COA1: variants seen among roughly 807,000 people sequenced by gnomAD.
The protein encoded by COA1 is cytochrome c oxidase assembly factor 1 homolog.
COA1 carries 13 observed loss-of-function variants against 16.0 expected under a neutral mutation model. That is an observed-to-expected ratio of 0.81 (90% CI 0.53 to 1.29). The LOEUF is 1.29. Among genes scored for constraint, COA1 ranks in the 50% most tolerant of loss-of-function variants. The pLI, the probability that COA1 is intolerant of heterozygous loss-of-function variation, is 0.00. For missense variants in COA1, 179 were observed against 177.0 expected (o/e 1.01, Z -0.06); for synonymous variants, 65 against 65.7 (o/e 0.99, Z 0.05).
intron 6 of COA1, chr7:43,619,556 C>A: frequency 6.3e-7 from 1 of 1,599,102 alleles, no homozygotes; most frequent in Non-Finnish European, 8.5e-7. Flanking sequence ...TGTACTTAAT[C>A]ATAGTTATAT....
At chr7:43,625,925 A>G (rs894229682) in intron 6 of COA1, 1 of 152,214 alleles carries the variant, frequency 6.6e-6, no homozygotes, top group Non-Finnish European at 1.5e-5. Context: ...AGTAGGAGGT[A>G]CTTTGTCCCA....
chr7:43,611,470 G>A (rs1178313476), intron 6 of COA1, among the ~76,000 whole-genome samples: 1 of 152,100 alleles, frequency 6.6e-6, no homozygotes, highest in African/African-American at 2.4e-5. Flanking sequence ...ACACCCACAC[G>A]CTGAGGTGGC....
chr7:43,684,251 G>T (rs967532211), intron 1 of COA1, among the ~76,000 whole-genome samples: 1 of 152,094 alleles, frequency 6.6e-6, no homozygotes, highest in Non-Finnish European at 1.5e-5. Context: ...TCACAACAGG[G>T]TTCGCACTCC....
intron 1 of COA1, among the ~76,000 whole-genome samples, chr7:43,719,157 G>A (rs2690390): frequency 1.2e-3 from 177 of 152,032 alleles, no homozygotes; most frequent in Non-Finnish European, 1.7e-3. Flanking sequence ...TAGTAGAGAC[G>A]AGGTTTCACC....
chr7:43,710,394 A>ATATATTTTTT (rs1417053077), intron 1 of COA1, among the ~76,000 whole-genome samples: 1 of 135,388 alleles, frequency 7.4e-6, no homozygotes, highest in African/African-American at 2.7e-5. Context: ...ATATATATAT[A>ATATATTTTTT]TTTTTAAGAT....
At chr7:43,711,916 A>G (rs372069653) in intron 1 of COA1, among the ~76,000 whole-genome samples, 67 of 152,328 alleles carry the variant, frequency 4.4e-4, no homozygotes, top group African/African-American at 1.5e-3. Context: ...TATAAAATAT[A>G]TGTGTGAATA....
chr7:43,625,753 C>CAGAGAGAGAGAGAGAGAGAG (rs3832501), intron 6 of COA1: 183 of 149,690 alleles, frequency 1.2e-3, no homozygotes, highest in Middle Eastern at 3.5e-3. Context: ...TCCCCTAGAG[C>CAGAGAGAGAGAGAGAGAGAG]AGAGAGAGAG....
intron 1 of COA1, among the ~76,000 whole-genome samples, chr7:43,705,151 C>T (rs2094921889): frequency 6.6e-6 from 1 of 152,122 alleles, no homozygotes; most frequent in Non-Finnish European, 1.5e-5. Flanking sequence ...TTTTCTGGCT[C>T]CTTGAGGTTA....
chr7:43,636,670 C>CAAAACTCAG (rs1309507264), downstream of COA1, among the ~76,000 whole-genome samples: 1 of 151,994 alleles, frequency 6.6e-6, no homozygotes, highest in East Asian at 1.9e-4. Flanking sequence ...CAAATTTTAC[C>CAAAACTCAG]AAAACTCAGC....
At chr7:43,686,345 C>T (rs1477187794) in intron 1 of COA1, among the ~76,000 whole-genome samples, 1 of 132,684 alleles carries the variant, frequency 7.5e-6, no homozygotes, top group African/African-American at 2.8e-5. Context: ...CTCGTTCTGT[C>T]GCCCAGGCGG....
At chr7:43,701,743 G>C (rs746119789) in intron 1 of COA1, among the ~76,000 whole-genome samples, 8 of 152,120 alleles carry the variant, frequency 5.3e-5, no homozygotes, top group Non-Finnish European at 8.8e-5. Context: ...CTGCAACCTT[G>C]CCAGCATCTG....
chr7:43,708,318 G>A (rs6954914), intron 1 of COA1, among the ~76,000 whole-genome samples: 12,971 of 152,200 alleles, frequency 0.085, 656 homozygotes, highest in East Asian at 0.19. Context: ...AAAGTTAGCT[G>A]GGTGTGGTGG....
intron 6 of COA1, chr7:43,624,663 A>G (rs1211746137): frequency 6.2e-7 from 1 of 1,614,112 alleles, no homozygotes; most frequent in Admixed American, 1.7e-5. Context: ...TAATTCGGAT[A>G]CCGACAAATC....
At chr7:43,691,633 C>A (rs1016412925) in intron 1 of COA1, among the ~76,000 whole-genome samples, 3 of 152,128 alleles carry the variant, frequency 2.0e-5, no homozygotes, top group Non-Finnish European at 2.9e-5. Flanking sequence ...AAAAATTACA[C>A]TAGACCTCAG....
intron 6 of COA1, among the ~76,000 whole-genome samples, chr7:43,618,368 G>A (rs2083541662): frequency 6.6e-6 from 1 of 152,178 alleles, no homozygotes; most frequent in Admixed American, 6.5e-5. Flanking sequence ...GGCAGTACGT[G>A]TGTAAAGGCA....
intron 2 of COA1, chr7:43,647,987 A>G: frequency 4.0e-6 from 1 of 250,530 alleles, no homozygotes; most frequent in Non-Finnish European, 7.7e-6. Context: ...ACTTTGTCTC[A>G]GGCCAACTGG....
At chr7:43,702,663 A>C (rs1368473493) in intron 1 of COA1, among the ~76,000 whole-genome samples, 1 of 152,114 alleles carries the variant, frequency 6.6e-6, no homozygotes, top group Non-Finnish European at 1.5e-5. Flanking sequence ...GGGTGTTCAT[A>C]ATAGTCTCTG....
chr7:43,623,599 T>C, intron 6 of COA1: 3 of 1,611,200 alleles, frequency 1.9e-6, no homozygotes, highest in Non-Finnish European at 2.5e-6. Context: ...TATGATCCTA[T>C]AAGCATGGCA....
At chr7:43,682,824 A>G (rs1311843858) in intron 1 of COA1, among the ~76,000 whole-genome samples, 1 of 152,112 alleles carries the variant, frequency 6.6e-6, no homozygotes, top group East Asian at 1.9e-4. Flanking sequence ...CTACCTATAC[A>G]AGCTGATAGT....
Sources: gnomAD v4.1 joint callset for allele counts (sites outside exome capture counted in the v4.1 genomes callset) on GRCh38, gnomAD v4.1.1 for gene constraint, MANE v1.5 for transcripts, NCBI Gene and HGNC (gene_info 2026-07-23, HGNC 2026-07-21) for gene names.